Variants in CRACDL observed in about 807,000 individuals in gnomAD.
The protein encoded by CRACDL is CRACD like, also known as CRACD-like protein.
CRACDL carries 26 observed loss-of-function variants against 70.6 expected under a neutral mutation model. The observed-to-expected ratio is 0.37, with a 90% CI of 0.27 to 0.51. CRACDL has a LOEUF of 0.51. Ranked by LOEUF, CRACDL falls within the 20% of genes least tolerant of loss-of-function variation. The pLI is 0.94. For synonymous variants in CRACDL, 618 were observed against 615.2 expected (o/e 1.00, Z -0.07); for missense variants, 1,283 against 1,376.9 (o/e 0.93, Z 1.08).
In CRACDL at chr2:98,832,928, C is replaced by T. The variant is rs147227576; in HGVS notation, c.309G>A (p.Gln103=). ...ACACCCGCACAGGCCGAGTAGCGTCCTGTCCGGACTCAGGAATGAAAATAC... is the reference window on the plus strand; with the variant it reads ...ACACCCGCACAGGCCGAGTAGCGTCTTGTCCGGACTCAGGAATGAAAATAC... The part of the protein sequence containing the change: ...HDSIFIPESG[Q]DATRPVRVFS... Residue 103 remains glutamine, a synonymous_variant, in exon 4 of 10, where the codon CAG becomes CAA. Coordinates refer to ENST00000397899, the MANE Select transcript of CRACDL (RefSeq NM_207362.3). 9,529 of 1,614,142 alleles carry T rather than the reference C, an allele frequency of 5.9e-3. 48 individuals are homozygous for T. The highest frequency in any genetic ancestry group is 7.1e-3 in the Non-Finnish European group (8,332 of 1,179,974).
At chr2:98,909,414 T>C (rs912292962) in intron 1 of CRACDL, among the ~76,000 whole-genome samples, 6 of 152,170 alleles carry the variant, frequency 3.9e-5, no homozygotes, top group African/African-American at 1.4e-4. Context: ...AAACCCTTAT[T>C]ACAAATCTGA....
chr2:98,824,035 C>T (rs943652948), intron 6 of CRACDL, among the ~76,000 whole-genome samples: 9 of 152,314 alleles, frequency 5.9e-5, no homozygotes, highest in East Asian at 5.8e-4. Context: ...TCCTCCCAGC[C>T]AGTCTCCCAT....
intron 1 of CRACDL, among the ~76,000 whole-genome samples, chr2:98,889,077 G>A (rs1003993424): frequency 3.4e-5 from 5 of 148,660 alleles, no homozygotes; most frequent in Non-Finnish European, 7.4e-5. Flanking sequence ...GCAGAGAGCC[G>A]AGATCATGCC....
At chr2:98,885,008 A>G (rs1023190215) in intron 1 of CRACDL, among the ~76,000 whole-genome samples, 6 of 152,172 alleles carry the variant, frequency 3.9e-5, no homozygotes, top group Non-Finnish European at 8.8e-5. Flanking sequence ...ACAAGTGACC[A>G]CTGAGTCAGC....
chr2:98,847,959 C>T (rs571305113), intron 1 of CRACDL, among the ~76,000 whole-genome samples: 16 of 152,232 alleles, frequency 1.1e-4, no homozygotes, highest in Non-Finnish European at 1.9e-4. Context: ...CCAGCCAATC[C>T]CTCAAAAGCT....
intron 7 of CRACDL, among the ~76,000 whole-genome samples, chr2:98,800,510 G>A (rs1475325795): frequency 5.9e-5 from 9 of 152,134 alleles, no homozygotes; most frequent in Admixed American, 6.5e-5. Flanking sequence ...GGGAAGCTAG[G>A]AGGGAGGCTG....
rs1705157491 is a variant in CRACDL, at chr2:98,823,132, A to G, written c.1141T>C (p.Cys381Arg). 1.3e-6 allele frequency: 2 copies of G among 1,568,916 alleles called. No homozygotes were observed. Among genetic ancestry groups the G allele is most frequent in the East Asian group, 2.5e-5 (1 of 39,464 alleles). The change falls in exon 7 of 10, where the codon TGT becomes CGT. Residue 381 changes from cysteine to arginine, a missense_variant. Around this residue, in one of 2 missense-constraint regions of CRACDL, gnomAD observed 921 missense variants for 881.9 expected, o/e 1.04. Transcript: ENST00000397899. This position sits in a 1 kb window ranked among gnomAD's most constrained non-coding sequence, Gnocchi z 4.0. The part of the protein sequence containing the change: ...QDGEAPPAGP[C>R]APATDKAEEV... ...TCCGCCTTGTCCGTGGCCGGGGCAC[A>G]CGGGCCTGCGGGGGGCGCCTCCCCA...
intron 5 of CRACDL, among the ~76,000 whole-genome samples, chr2:98,831,969 C>A (rs145818630): frequency 1.2e-3 from 184 of 152,268 alleles, no homozygotes; most frequent in African/African-American, 4.2e-3. Context: ...ATGCTCACTA[C>A]TTCCCCCTCC....
chr2:98,798,647 GA>G (rs1222813925), intron 7 of CRACDL, among the ~76,000 whole-genome samples: 2 of 151,160 alleles, frequency 1.3e-5, no homozygotes, highest in East Asian at 3.9e-4. Context: ...TTCATCAATA[GA>G]AAAAAGAAAT....
chr2:98,877,761 A>G (rs1707524058), intron 1 of CRACDL, among the ~76,000 whole-genome samples: 1 of 151,940 alleles, frequency 6.6e-6, no homozygotes, highest in Non-Finnish European at 1.5e-5. Context: ...AAATAATAAA[A>G]AAATTTAAAA....
chr2:98,918,486 C>T (rs1436398485), intron 1 of CRACDL, among the ~76,000 whole-genome samples: 1 of 133,094 alleles, frequency 7.5e-6, no homozygotes, highest in Non-Finnish European at 1.5e-5. Context: ...TGCAGTGAGA[C>T]GAGATCACGC....
In CRACDL at chr2:98,796,172, G is replaced by T. The variant is rs760271972; in HGVS notation, c.2697C>A (p.Leu899=). ...PAVDRKQGAK[L]NFKEGLQRGI... Reference sequence around the variant, plus strand: ...CTCTTTGCAGCCCCTCCTTGAAGTTGAGCTTTGCCCCCTGCTTCCGGTCCA... The same window carrying T: ...CTCTTTGCAGCCCCTCCTTGAAGTTTAGCTTTGCCCCCTGCTTCCGGTCCA... Residue 899 remains leucine (L), a synonymous_variant, in exon 9 of 10, where the codon CTC becomes CTA. Transcript: ENST00000397899. 1 of 1,614,184 alleles carries T rather than the reference G, an allele frequency of 6.2e-7. No homozygotes were observed. Among genetic ancestry groups the T allele is most frequent in the South Asian group, 1.1e-5 (1 of 91,084 alleles).
intron 1 of CRACDL, among the ~76,000 whole-genome samples, chr2:98,883,093 A>G (rs2104619539): frequency 6.6e-6 from 1 of 152,346 alleles, no homozygotes; most frequent in South Asian, 2.1e-4. Context: ...AGACAGACAT[A>G]GGCAGACCCA....
intron 1 of CRACDL, among the ~76,000 whole-genome samples, chr2:98,856,928 T>C (rs922051576): frequency 1.3e-5 from 2 of 152,206 alleles, no homozygotes; most frequent in African/African-American, 4.8e-5. Context: ...TTAGGAGTCA[T>C]GATACCCTGA....
At chr2:98,880,292 C>T (rs1235455052) in intron 1 of CRACDL, among the ~76,000 whole-genome samples, 1 of 152,148 alleles carries the variant, frequency 6.6e-6, no homozygotes, top group East Asian at 1.9e-4. Flanking sequence ...CGAACAAGGA[C>T]ATTGGAGAAT....
Position 98,823,015 on chromosome 2 carries a change from C to T in CRACDL, c.1258G>A (p.Ala420Thr). The T allele has an allele frequency of 2.0e-6, 3 of 1,515,242 alleles. No individual in the cohort carries two copies. Among genetic ancestry groups the T allele is most frequent in the Admixed American group, 2.1e-5 (1 of 47,016 alleles). The allele number at this position is 1,515,242 out of a possible 1,614,324, so 93.9% of individuals were successfully genotyped here. A position where few individuals can be genotyped will look rare whatever the true frequency, so the allele number is the denominator to read the frequency against. The change falls in exon 7 of 10, where the codon GCC (alanine) becomes ACC (threonine). Residue 420 changes from alanine to threonine, a missense_variant. By Grantham distance (58) the Ala-to-Thr change is moderately conservative. This residue lies in a region of CRACDL where 921 missense variants were observed against 881.9 expected (regional missense o/e 1.04). Coordinates refer to ENST00000397899, the MANE Select transcript of CRACDL (RefSeq NM_207362.3). The surrounding 1 kb of genome is among the most constrained non-coding windows in gnomAD (Gnocchi z 4.0). Reference protein sequence around the residue: ...DTTPPETDPAATSEAPSARDG... With the variant: ...DTTPPETDPATTSEAPSARDG... Reference sequence around the variant, plus strand: ...CGAGCAGAGGGCGCCTCTGAGGTGGCGGCGGGGTCAGTCTCGGGGGGAGTC... The same window carrying T: ...CGAGCAGAGGGCGCCTCTGAGGTGGTGGCGGGGTCAGTCTCGGGGGGAGTC...
chr2:98,814,881 A>G (rs1226723645), intron 7 of CRACDL, among the ~76,000 whole-genome samples: 1 of 152,094 alleles, frequency 6.6e-6, no homozygotes, highest in Non-Finnish European at 1.5e-5. Flanking sequence ...CACATTTAGT[A>G]CTCTTATGCA....
At chr2:98,901,419 G>A (rs1708277368) in intron 1 of CRACDL, among the ~76,000 whole-genome samples, 1 of 152,168 alleles carries the variant, frequency 6.6e-6, no homozygotes, top group Non-Finnish European at 1.5e-5. Flanking sequence ...ACAAACCTCA[G>A]TCCCAGGGCT....
chr2:98,895,259 C>T (rs952391526), intron 1 of CRACDL, among the ~76,000 whole-genome samples: 1 of 152,136 alleles, frequency 6.6e-6, no homozygotes, highest in Non-Finnish European at 1.5e-5. Context: ...AGAGGGAGGG[C>T]CTTGATGGCA....
Sources: allele counts gnomAD v4.1 joint callset (sites outside exome capture counted in the v4.1 genomes callset), GRCh38; gene constraint gnomAD v4.1.1; regional missense constraint gnomAD v4.1.1; non-coding constraint Gnocchi (gnomAD v3.1); transcripts MANE v1.5; gene names NCBI Gene and HGNC (gene_info 2026-07-23, HGNC 2026-07-21).